Variants in PAK5 observed in about 807,000 individuals in gnomAD.
The protein encoded by PAK5 is serine/threonine-protein kinase PAK 5.
Under a neutral mutation model 65.9 loss-of-function variants are expected in PAK5, and 16 were observed. The observed-to-expected ratio is 0.24, with a 90% CI of 0.16 to 0.37. The LOEUF (loss-of-function observed/expected upper bound fraction) is 0.37. Ranked by LOEUF, PAK5 falls within the 10% of genes least tolerant of loss-of-function variation. The pLI is 1.00. For synonymous variants in PAK5, 371 were observed against 354.9 expected (o/e 1.05, Z -0.51); for missense variants, 785 against 903.9 (o/e 0.87, Z 1.69).
intron 2 of PAK5, among the ~76,000 whole-genome samples, chr20:9,666,297 C>T (rs1281925257): frequency 5.3e-5 from 8 of 150,832 alleles, no homozygotes; most frequent in African/African-American, 1.7e-4. Flanking sequence ...TGACTGCCCA[C>T]AGGAAGACAC....
intron 2 of PAK5, among the ~76,000 whole-genome samples, chr20:9,649,786 C>T (rs543951763): frequency 6.6e-6 from 1 of 152,252 alleles, no homozygotes; most frequent in African/African-American, 2.4e-5. Context: ...TAATATTCAT[C>T]TAGGATGAAC....
At chr20:9,664,393 C>G (rs2047385695) in intron 2 of PAK5, among the ~76,000 whole-genome samples, 1 of 152,186 alleles carries the variant, frequency 6.6e-6, no homozygotes, top group South Asian at 2.1e-4. Flanking sequence ...AGACCTCAGT[C>G]AGTCCCATCC....
chr20:9,554,520 C>T (rs2045478043), intron 7 of PAK5, among the ~76,000 whole-genome samples: 1 of 152,162 alleles, frequency 6.6e-6, no homozygotes, highest in South Asian at 2.1e-4. Context: ...GTCAGAGCAG[C>T]ACTGTTTTGC....
intron 3 of PAK5, among the ~76,000 whole-genome samples, chr20:9,617,258 T>C (rs2123167583): frequency 6.6e-6 from 1 of 152,292 alleles, no homozygotes; most frequent in Non-Finnish European, 1.5e-5. Context: ...CCCGTGTACT[T>C]TTCTTGAGAA....
chr20:9,764,993 A>G lies in PAK5; in HGVS notation c.-161-53558T>C, dbSNP rs2048741197. 2.0e-5 allele frequency among the ~76,000 whole-genome samples: 3 copies of G among 152,162 alleles called. 1 individual carries two copies. The South Asian group carries it at 6.2e-4, about 31-fold the overall frequency. On this transcript the variant is annotated intron_variant, in intron 1 of 9. Transcript: ENST00000353224. ...ACCTAGCTTTAGGCAATGACCTATG[A>G]GTGGAATTGATAAATCACTTTTGCA...
intron 1 of PAK5, among the ~76,000 whole-genome samples, chr20:9,715,233 A>G (rs2048128753): frequency 6.6e-6 from 1 of 152,196 alleles, no homozygotes; most frequent in African/African-American, 2.4e-5. Flanking sequence ...CAAGTGGGCA[A>G]AGGATATGAA....
intron 2 of PAK5, among the ~76,000 whole-genome samples, chr20:9,688,350 G>A (rs1600244147): frequency 6.6e-6 from 1 of 151,932 alleles, no homozygotes; most frequent in East Asian, 1.9e-4. Context: ...AGAGGACAGA[G>A]AATCTCTTTA....
Position 9,604,232 on chromosome 20 carries a change from G to A in PAK5, c.205-23302C>T, listed in dbSNP as rs551656091. ...GAACACAAGCTGCCTAGGGCACTGA[G>A]GTCCTGAGTTTTGGGTTAAATGAAG... On this transcript the variant is annotated intron_variant, in intron 3 of 9. Transcript: ENST00000353224. 2.9e-4 allele frequency among the ~76,000 whole-genome samples: 44 copies of A among 152,320 alleles called. 1 individual carries two copies. The South Asian group carries it at 9.1e-3, about 32-fold the overall frequency.
chr20:9,557,455 T>C (rs1010281067), intron 7 of PAK5, among the ~76,000 whole-genome samples, 153 bp downstream of exon 7: 1 of 152,216 alleles, frequency 6.6e-6, no homozygotes, highest in Non-Finnish European at 1.5e-5. Flanking sequence ...GAAGGGATGG[T>C]AATTTCTTTT....
intron 1 of PAK5, among the ~76,000 whole-genome samples, chr20:9,713,392 G>A (rs1465073107): frequency 1.3e-5 from 2 of 152,054 alleles, no homozygotes; most frequent in African/African-American, 4.8e-5. Context: ...CAGAGAGAGG[G>A]AAATACTTGT....
At chr20:9,814,819 C>T (rs867305109) in intron 1 of PAK5, among the ~76,000 whole-genome samples, 19 of 152,224 alleles carry the variant, frequency 1.2e-4, no homozygotes, top group Middle Eastern at 3.4e-3. Flanking sequence ...AGTCATGTGA[C>T]GCTTTTGCTA....
intron 1 of PAK5, among the ~76,000 whole-genome samples, chr20:9,800,440 A>G (rs556724354): frequency 1.3e-5 from 2 of 152,268 alleles, no homozygotes; most frequent in Middle Eastern, 3.4e-3. Flanking sequence ...GGCATTTGAC[A>G]TCTATTTGAA....
Position 9,618,915 on chromosome 20 carries a change from G to GCT in PAK5, c.204+25209_204+25210insAG, listed in dbSNP as rs2046715177. 2.7e-4 allele frequency among the ~76,000 whole-genome samples: 5 copies of GCT among 18,816 alleles called. No homozygotes were observed. The East Asian group carries it at 9.0e-3, about 34-fold the overall frequency. The allele number at this position is 18,816 out of a possible 152,430, so 12.3% of individuals were successfully genotyped here. A position where few individuals can be genotyped will look rare whatever the true frequency, so the allele number is the denominator to read the frequency against. On this transcript the variant is annotated intron_variant, in intron 3 of 9. Coordinates refer to ENST00000353224, the MANE Select transcript of PAK5 (RefSeq NM_177990.4). Reference sequence around the variant, plus strand: ...AGATTCTTTTCTCTCTCTTTCTTTCGTTTTTTTTTTTTTTTTTTTTTTTTT... The same window carrying GCT: ...AGATTCTTTTCTCTCTCTTTCTTTCGCTTTTTTTTTTTTTTTTTTTTTTTTTT...
intron 2 of PAK5, among the ~76,000 whole-genome samples, chr20:9,694,465 G>C (rs1347363063): frequency 1.3e-5 from 2 of 151,920 alleles, no homozygotes; most frequent in Non-Finnish European, 2.9e-5. Context: ...AAAGGGTACA[G>C]CTTAACGACT....
At chr20:9,820,592 C>T (rs745884432) in intron 1 of PAK5, among the ~76,000 whole-genome samples, 4 of 152,186 alleles carry the variant, frequency 2.6e-5, no homozygotes, top group Non-Finnish European at 5.9e-5. Flanking sequence ...GGTGCTATGC[C>T]AGATGCTCTA....
rs538879612 is a variant in PAK5 at position 9,717,080 on chromosome 20, A to G, written c.-161-5645T>C. Among the ~76,000 whole-genome samples the G allele has an allele frequency of 8.4e-3, 1,242 of 148,460 alleles. 7 individuals carry two copies. The highest frequency in any genetic ancestry group is 0.013 in the Non-Finnish European group (899 of 67,196). ...AGCCTGGGTGACGGAGCCAGAACTT[A>G]TCTCAAAAAAAAAAAAAAGAAAGAA... On this transcript the variant is annotated intron_variant, in intron 1 of 9. Transcript: ENST00000353224.
At chr20:9,786,695 T>C (rs1222564620) in intron 1 of PAK5, among the ~76,000 whole-genome samples, 1 of 152,152 alleles carries the variant, frequency 6.6e-6, no homozygotes, top group Non-Finnish European at 1.5e-5. Flanking sequence ...ATAATTGATA[T>C]GTGGATAAGA....
intron 1 of PAK5, among the ~76,000 whole-genome samples, chr20:9,776,955 C>A (rs1227070822): frequency 6.6e-6 from 1 of 152,134 alleles, no homozygotes; most frequent in African/African-American, 2.4e-5. Context: ...AAGATATATT[C>A]ACTATGAGCT....
At chr20:9,570,988 G>A (rs1304345775) in intron 4 of PAK5, among the ~76,000 whole-genome samples, 2 of 152,210 alleles carry the variant, frequency 1.3e-5, no homozygotes, top group African/African-American at 4.8e-5. Context: ...GCTCTTTGCT[G>A]AAAGCTAACC....
Sources: gnomAD v4.1 joint callset for allele counts (sites outside exome capture counted in the v4.1 genomes callset) on GRCh38, gnomAD v4.1.1 for gene constraint, MANE v1.5 for transcripts, NCBI Gene and HGNC (gene_info 2026-07-23, HGNC 2026-07-21) for gene names.